POLR1A: variants seen among roughly 807,000 people sequenced by gnomAD.
POLR1A encodes DNA-directed RNA polymerase I subunit RPA1.
A neutral mutation model predicts 205.3 loss-of-function variants in POLR1A; 84 were observed. That is an observed-to-expected ratio of 0.41 (90% CI 0.34 to 0.49). The LOEUF (loss-of-function observed/expected upper bound fraction) is 0.49, where lower values mean the gene tolerates loss of function less well. Among genes scored for constraint, POLR1A ranks in the 20% least tolerant of loss-of-function variants. POLR1A has a pLI of 0.22. For synonymous variants in POLR1A, 799 were observed against 863.7 expected (o/e 0.93, Z 1.31); for missense variants, 1,645 against 2,204.5 (o/e 0.75, Z 5.08).
intron 11 of POLR1A, 49 bp from the exon 12 acceptor site, chr2:86,075,309 G>T: frequency 7.5e-7 from 1 of 1,333,760 alleles, no homozygotes; most frequent in Non-Finnish European, 1.1e-6. Flanking sequence ...ATAAAAAAAG[G>T]TCTGATGGAC....
intron 8 of POLR1A, 39 bp downstream of exon 8, chr2:86,081,562 C>G: frequency 1.5e-6 from 2 of 1,336,892 alleles, no homozygotes; most frequent in Non-Finnish European, 2.1e-6. Context: ...CCTTAGTACG[C>G]TTTTTTTCAG....
At chr2:86,041,390 CTGTGTGTGTG>C (rs141600019) in intron 24 of POLR1A, among the ~76,000 whole-genome samples, 1 of 124,674 alleles carries the variant, frequency 8.0e-6, no homozygotes, top group East Asian at 2.5e-4. Flanking sequence ...GCTACAGTGT[CTGTGTGTGTG>C]TGTGTGTGTG....
chr2:86,088,812 A>G lies in POLR1A; in HGVS notation c.599T>C (p.Met200Thr). 6.2e-7 allele frequency: 1 copy of G among 1,614,046 alleles called. No homozygotes were observed. Among genetic ancestry groups the G allele is most frequent in the South Asian group, 1.1e-5 (1 of 91,074 alleles). ...KLIALFWKAH[M>T]NAKRCPHCKT... ...GCAGTGGGGACAGCGCTTAGCATTC[A>G]TATGTGCCTTCCAGAAGAGAGCAAT... is the stretch of plus-strand genomic sequence containing the variant. Residue 200 changes from methionine (M) to threonine (T), a missense_variant, in exon 5 of 34, where the codon ATG (methionine) becomes ACG (threonine). Met to Thr is a moderately conservative substitution (Grantham distance 81). Around this residue, in one of 16 missense-constraint regions of POLR1A, gnomAD observed 330 missense variants for 375.6 expected, o/e 0.88. Transcript: ENST00000263857.
In POLR1A at chr2:86,028,731, GATTT is replaced by G. The variant is rs1406765673; in HGVS notation, c.4780-24_4780-21del. 3 of 1,576,350 alleles carry G rather than the reference GATTT, an allele frequency of 1.9e-6. No homozygotes were observed. The highest frequency in any genetic ancestry group is 2.6e-6 in the Non-Finnish European group (3 of 1,145,882). On this transcript the variant is annotated intron_variant, in intron 31 of 33. Transcript: ENST00000263857. This position sits in a 1 kb window ranked among gnomAD's most constrained non-coding sequence, Gnocchi z 4.5. ...CAGGACCTGGAGAGAGGAAGGAAGG[GATTT>G]ATTTAGAGGGCCTGGCCTTCTGCTC... is the stretch of plus-strand genomic sequence containing the variant.
At position 86,089,884 on chromosome 2, in the gene POLR1A, C is replaced by T. The variant is rs1244210153; in HGVS notation, c.478G>A (p.Glu160Lys). The change falls in exon 4 of 34, where the codon GAA becomes AAA. Residue 160 changes from glutamate (E) to lysine (K), a missense_variant. Coordinates refer to ENST00000263857, the MANE Select transcript of POLR1A (RefSeq NM_015425.6). ...PDPSASEIRE[E>K]LEQYTTEIVQ... ...ATTTCAGTTGTGTATTGTTCTAATTCCTCCCGAATTTCAGAGGCAGAGGGA... is the reference window on the plus strand; with the variant it reads ...ATTTCAGTTGTGTATTGTTCTAATTTCTCCCGAATTTCAGAGGCAGAGGGA... The T allele has an allele frequency of 1.2e-6, 2 of 1,612,792 alleles. No individual in the cohort carries two copies. The highest frequency in any genetic ancestry group is 2.7e-5 in the African/African-American group (2 of 74,900).
chr2:86,040,152 A>T, intron 25 of POLR1A: 1 of 383,978 alleles, frequency 2.6e-6, no homozygotes, highest in Non-Finnish European at 4.6e-6. Context: ...CATCCCCAGG[A>T]ACGTGGATGC....
At chr2:86,065,105 C>T (rs1167665289) in intron 14 of POLR1A, among the ~76,000 whole-genome samples, 169 bp downstream of exon 14, 1 of 152,110 alleles carries the variant, frequency 6.6e-6, no homozygotes, top group Non-Finnish European at 1.5e-5. Context: ...TAGACACTCC[C>T]TTGAAGCCAC....
chr2:86,040,362 C>T (rs1440572128), intron 25 of POLR1A, 30 bp downstream of exon 25: 3 of 1,552,492 alleles, frequency 1.9e-6, no homozygotes, highest in Non-Finnish European at 1.7e-6. Context: ...CTAGGACAGA[C>T]CCCACCCTGT....
chr2:86,074,024 T>C (rs932690334), intron 12 of POLR1A, among the ~76,000 whole-genome samples: 1 of 152,188 alleles, frequency 6.6e-6, no homozygotes, highest in Admixed American at 6.5e-5. Flanking sequence ...ACTTGATCTA[T>C]GTTTGCATGT....
intron 29 of POLR1A, 145 bp from the exon 30 acceptor site, chr2:86,031,780 C>G: frequency 3.6e-6 from 4 of 1,112,028 alleles, no homozygotes; most frequent in Non-Finnish European, 5.1e-6. Flanking sequence ...CTCCTCTGCT[C>G]CGGCCTGGTT....
chr2:86,083,971 G>A (rs1673449458), intron 6 of POLR1A, among the ~76,000 whole-genome samples: 1 of 152,064 alleles, frequency 6.6e-6, no homozygotes, highest in African/African-American at 2.4e-5. Context: ...CATTTAAGAT[G>A]ATTACCTAAG....
At chr2:86,071,858 T>C (rs1673185063) in intron 12 of POLR1A, among the ~76,000 whole-genome samples, 2 of 152,190 alleles carry the variant, frequency 1.3e-5, no homozygotes, top group Non-Finnish European at 2.9e-5. Context: ...TGCCACCCCA[T>C]GCATCCTGAA....
chr2:86,033,662 C>T lies in POLR1A; in HGVS notation c.4160G>A (p.Arg1387Gln), dbSNP rs78239085. 0.012 allele frequency: 19,521 copies of T among 1,613,004 alleles called. 445 individuals carry two copies. Among genetic ancestry groups the T allele is most frequent in the East Asian group, 0.12 (5,183 of 44,870 alleles). Reference sequence around the variant, plus strand: ...AGTGACCCCCGGGGACTCACTCACCCGACTCCTCCCCAACTCCCCAGCGTT... The same window carrying T: ...AGTGACCCCCGGGGACTCACTCACCTGACTCCTCCCCAACTCCCCAGCGTT... The part of the protein sequence containing the change: ...LDNAGELGRS[R>Q]GEQEGDEEEE... Residue 1387 changes from arginine to glutamine, a missense_variant and splice_region_variant, in exon 28 of 34, where the codon CGG becomes CAG. Arg to Gln is a conservative substitution (Grantham distance 43). Transcript: ENST00000263857.
chr2:86,029,347 G>A (rs578182264), intron 31 of POLR1A, among the ~76,000 whole-genome samples: 2 of 152,156 alleles, frequency 1.3e-5, no homozygotes, highest in African/African-American at 4.8e-5. Context: ...ACTTGTTGGG[G>A]GGTTAGGCTA....
At chr2:86,081,563 T>A in intron 8 of POLR1A, 38 bp downstream of exon 8, 1 of 1,342,358 alleles carries the variant, frequency 7.4e-7, no homozygotes, top group Non-Finnish European at 1.1e-6. Flanking sequence ...CTTAGTACGC[T>A]TTTTTTCAGG....
chr2:86,087,774 C>T (rs1404458757), intron 6 of POLR1A, among the ~76,000 whole-genome samples: 2 of 152,066 alleles, frequency 1.3e-5, no homozygotes, highest in African/African-American at 4.8e-5. Flanking sequence ...AACTCCAGAC[C>T]TCAAGTGATC....
chr2:86,069,874 C>A, intron 13 of POLR1A, 144 bp downstream of exon 13: 1 of 820,392 alleles, frequency 1.2e-6, no homozygotes, highest in Non-Finnish European at 1.8e-6. Context: ...GGCTAAAAGC[C>A]CCACCTGGGA....
intron 27 of POLR1A, among the ~76,000 whole-genome samples, chr2:86,034,362 G>A (rs888703255): frequency 2.6e-5 from 4 of 152,210 alleles, no homozygotes; most frequent in African/African-American, 7.2e-5. Context: ...GCAATGTGAC[G>A]AAAGAACGAG....
intron 16 of POLR1A, among the ~76,000 whole-genome samples, chr2:86,051,542 A>C (rs1672803245): frequency 6.6e-6 from 1 of 152,230 alleles, no homozygotes; most frequent in African/African-American, 2.4e-5. Context: ...CTGTGAAGCA[A>C]AGGAGCCTTA....
Sources: gnomAD v4.1 joint callset for allele counts (sites outside exome capture counted in the v4.1 genomes callset) on GRCh38, gnomAD v4.1.1 for gene constraint, gnomAD v4.1.1 regional missense constraint, Gnocchi (gnomAD v3.1) non-coding constraint, MANE v1.5 for transcripts, NCBI Gene and HGNC (gene_info 2026-07-23, HGNC 2026-07-21) for gene names.